Variants in HSD17B12 observed in about 807,000 individuals in gnomAD.
HSD17B12 encodes the protein very-long-chain 3-oxoacyl-CoA reductase.
A neutral mutation model predicts 39.3 loss-of-function variants in HSD17B12; 32 were observed. The ratio of observed to expected loss-of-function variants is 0.81; its 90% confidence interval spans 0.61 to 1.09. The LOEUF (loss-of-function observed/expected upper bound fraction) is 1.09, where lower values mean the gene tolerates loss of function less well. Among genes scored for constraint, HSD17B12 ranks in the 50% least tolerant of loss-of-function variants. HSD17B12 has a pLI of 0.00. For missense variants in HSD17B12, 342 were observed against 382.9 expected (o/e 0.89, Z 0.89); for synonymous variants, 150 against 146.7 (o/e 1.02, Z -0.16).
the HSD17B12 span, among the ~76,000 whole-genome samples, chr11:43,658,224 C>T: frequency 1.3e-5 from 2 of 152,196 alleles, no homozygotes; most frequent in African/African-American, 2.4e-5. Flanking sequence ...ATGTAGTTCT[C>T]GTGACATGGT....
chr11:43,721,957 G>A (rs1311504788), intron 1 of HSD17B12, among the ~76,000 whole-genome samples: 5 of 152,192 alleles, frequency 3.3e-5, no homozygotes, highest in Non-Finnish European at 5.9e-5. Flanking sequence ...CAGTCATCTA[G>A]GGGAGGTATA....
intron 1 of HSD17B12, among the ~76,000 whole-genome samples, chr11:43,717,899 G>A (rs1390438663): frequency 6.6e-6 from 1 of 151,572 alleles, no homozygotes; most frequent in Non-Finnish European, 1.5e-5. Context: ...CCACATCCTG[G>A]GTTTAAGCAA....
At chr11:43,802,175 A>G (rs911927106) in intron 4 of HSD17B12, among the ~76,000 whole-genome samples, 1 of 151,616 alleles carries the variant, frequency 6.6e-6, no homozygotes, top group African/African-American at 2.4e-5. Flanking sequence ...TTTAGTAGAG[A>G]TGGGGTTTCA....
the HSD17B12 span, among the ~76,000 whole-genome samples, chr11:43,621,367 C>G: frequency 6.6e-6 from 1 of 152,114 alleles, no homozygotes; most frequent in Non-Finnish European, 1.5e-5. Context: ...ACATTGAACC[C>G]CTCTGGGAGG....
At chr11:43,756,505 C>CT (rs1416608821) in intron 3 of HSD17B12, among the ~76,000 whole-genome samples, 3 of 152,044 alleles carry the variant, frequency 2.0e-5, no homozygotes, top group Non-Finnish European at 4.4e-5. Flanking sequence ...TTCTTAGCTT[C>CT]TTGTAGTCTT....
chr11:43,643,870 G>T, the HSD17B12 span, among the ~76,000 whole-genome samples: 1 of 152,166 alleles, frequency 6.6e-6, no homozygotes, highest in African/African-American at 2.4e-5. Context: ...GTTGGAAAAT[G>T]ATAAAGTCGA....
At chr11:43,700,557 T>C (rs1029936454) in intron 1 of HSD17B12, among the ~76,000 whole-genome samples, 1 of 152,156 alleles carries the variant, frequency 6.6e-6, no homozygotes, top group Non-Finnish European at 1.5e-5. Flanking sequence ...GTTTTGAGTT[T>C]TAGAGCCCAT....
chr11:43,830,041 C>G (rs1951292340), intron 6 of HSD17B12: 1 of 152,162 alleles, frequency 6.6e-6, no homozygotes, highest in South Asian at 2.1e-4. Context: ...TTAAATCTGG[C>G]TGGCATTTTA....
At chr11:43,807,685 A>G (rs533874903) in intron 4 of HSD17B12, among the ~76,000 whole-genome samples, 3 of 152,326 alleles carry the variant, frequency 2.0e-5, no homozygotes, top group African/African-American at 7.2e-5. Flanking sequence ...CAGTAAGACT[A>G]TTTCAGAAGT....
intron 6 of HSD17B12, among the ~76,000 whole-genome samples, chr11:43,821,714 G>A (rs1951184892): frequency 6.6e-6 from 1 of 152,190 alleles, no homozygotes; most frequent in South Asian, 2.1e-4. Flanking sequence ...GCAGACAAAT[G>A]TAGGTTTCAT....
intron 1 of HSD17B12, among the ~76,000 whole-genome samples, chr11:43,703,847 A>G (rs983496984): frequency 2.0e-5 from 3 of 152,152 alleles, no homozygotes; most frequent in Non-Finnish European, 4.4e-5. Context: ...ACTTTAAAAA[A>G]AGAACAACTT....
the HSD17B12 span, among the ~76,000 whole-genome samples, chr11:43,600,182 T>C: frequency 9.1e-4 from 138 of 152,330 alleles, 1 homozygote; most frequent in Non-Finnish European, 1.5e-3. Flanking sequence ...GTATTATTTC[T>C]ATTTTTATAT....
chr11:43,602,906 A>G, the HSD17B12 span, among the ~76,000 whole-genome samples: 2 of 151,912 alleles, frequency 1.3e-5, no homozygotes, highest in East Asian at 1.9e-4. Context: ...TAGGCTCAAT[A>G]CTAGTGTGAA....
Position 43,798,237 on chromosome 11 carries a change from A to T in HSD17B12, c.284-83A>T, listed in dbSNP as rs1338522701. ...TGGGTGGGGAGAAACGTCTGAAAGG[A>T]TAATGCTATCAAATGCCTTAATCTT... On this transcript the variant is annotated intron_variant, in intron 3 of 10. Transcript: ENST00000278353. 1.0e-5 allele frequency: 8 copies of T among 773,552 alleles called. No individual in the cohort carries two copies. The Admixed American group carries it at 1.3e-4, about 12-fold the overall frequency. 47.9% of individuals were successfully genotyped at this position (773,552 alleles called of 1,614,324 possible). A position where few individuals can be genotyped will look rare whatever the true frequency, so the allele number is the denominator to read the frequency against.
the HSD17B12 span, chr11:43,581,505 C>T: frequency 2.0e-6 from 1 of 487,934 alleles, no homozygotes; most frequent in Non-Finnish European, 4.3e-6. This position sits in a 1 kb window ranked among gnomAD's most constrained non-coding sequence, Gnocchi z 4.9. Context: ...AAGACGGCAG[C>T]CATCCAGCGA....
chr11:43,846,123 GT>G (rs1459217522), intron 9 of HSD17B12, among the ~76,000 whole-genome samples: 1 of 152,152 alleles, frequency 6.6e-6, no homozygotes, highest in Non-Finnish European at 1.5e-5. Context: ...TCAACATCCG[GT>G]GATCATCTGA....
the HSD17B12 span, among the ~76,000 whole-genome samples, chr11:43,596,295 A>G: frequency 4.6e-5 from 7 of 152,154 alleles, no homozygotes; most frequent in Non-Finnish European, 1.0e-4. Context: ...TGGGGTTAGA[A>G]CTGTTCACCC....
upstream of HSD17B12, among the ~76,000 whole-genome samples, chr11:43,679,496 C>G (rs1949720748): frequency 6.6e-6 from 1 of 152,158 alleles, no homozygotes; most frequent in African/African-American, 2.4e-5. Flanking sequence ...ATTTTTTAAA[C>G]TTACCTTGTG....
intron 1 of HSD17B12, among the ~76,000 whole-genome samples, chr11:43,706,724 T>TGTGTGTTG (rs1204580097): frequency 4.6e-4 from 37 of 80,346 alleles, no homozygotes; most frequent in African/African-American, 1.6e-3. Flanking sequence ...GTGTGTGTTG[T>TGTGTGTTG]GGGGGGTGGG....
Sources: gnomAD v4.1 joint callset for allele counts (sites outside exome capture counted in the v4.1 genomes callset) on GRCh38, gnomAD v4.1.1 for gene constraint, Gnocchi (gnomAD v3.1) non-coding constraint, MANE v1.5 for transcripts, NCBI Gene and HGNC (gene_info 2026-07-23, HGNC 2026-07-21) for gene names.